The following QPCT variants were observed in gnomAD, a reference collection of about 807,000 sequenced individuals.
The protein encoded by QPCT is EC.
Under a neutral mutation model 43.4 loss-of-function variants are expected in QPCT, and 44 were observed. That is an observed-to-expected ratio of 1.01 (90% CI 0.80 to 1.30). The LOEUF (loss-of-function observed/expected upper bound fraction) is 1.30. Among genes scored for constraint, QPCT ranks in the 50% most tolerant of loss-of-function variants. The pLI is 0.00. For synonymous variants in QPCT, 168 were observed against 168.4 expected, an observed-to-expected ratio of 1.00 and a Z score of 0.02; for missense variants, 526 against 436.5, an observed-to-expected ratio of 1.21 and a Z score of -1.83.
intron 1 of QPCT, among the ~76,000 whole-genome samples, chr2:37,349,107 T>A (rs1202856872): frequency 1.3e-5 from 2 of 152,236 alleles, no homozygotes; most frequent in Non-Finnish European, 2.9e-5. Flanking sequence ...GCTTAAGTAG[T>A]TGACTGAGTG....
intron 2 of QPCT, among the ~76,000 whole-genome samples, chr2:37,358,121 A>AAG (rs1553385443): frequency 0.01 from 1,575 of 150,742 alleles, 44 homozygotes; most frequent in African/African-American, 0.037. Context: ...AAAAAAAAAA[A>AAG]AAAGAAACAG....
rs552749054 is a variant in QPCT, at chr2:37,365,072, A to C, written c.547-2160A>C. Reference sequence around the variant, plus strand: ...TTATATATATAACAATACACACACAACACAGCACACACACACACACACACA... The same window carrying C: ...TTATATATATAACAATACACACACACCACAGCACACACACACACACACACA... On this transcript the variant is annotated intron_variant, in intron 3 of 6. Coordinates refer to ENST00000338415, the MANE Select transcript of QPCT (RefSeq NM_012413.4). Among the ~76,000 whole-genome samples the C allele has an allele frequency of 6.7e-5, 10 of 150,228 alleles. No homozygotes were observed. In the South Asian group the frequency reaches 2.1e-3, roughly 31 times the overall value.
chr2:37,347,224 TATATAAC>T (rs1179991258), intron 1 of QPCT, among the ~76,000 whole-genome samples: 2 of 69,634 alleles, frequency 2.9e-5, no homozygotes, highest in Non-Finnish European at 5.4e-5. Flanking sequence ...ATAACATATA[TATATAAC>T]ATATATATAT....
At chr2:37,364,833 G>A (rs1481794780) in intron 3 of QPCT, among the ~76,000 whole-genome samples, 2 of 152,020 alleles carry the variant, frequency 1.3e-5, no homozygotes, top group Non-Finnish European at 2.9e-5. Flanking sequence ...CTGGAGATCG[G>A]CAGTGAAGTC....
intron 1 of QPCT, among the ~76,000 whole-genome samples, chr2:37,351,721 A>C (rs978988163): frequency 1.3e-5 from 2 of 152,132 alleles, no homozygotes; most frequent in East Asian, 1.9e-4. Flanking sequence ...GTCTCTACTA[A>C]AAATACAAAA....
intron 3 of QPCT, 143 bp from the exon 4 acceptor site, chr2:37,367,089 A>C: frequency 1.2e-6 from 1 of 848,484 alleles, no homozygotes; most frequent in Non-Finnish European, 1.8e-6. Context: ...GTGGTGTGGA[A>C]TAAATTTTGC....
At chr2:37,363,659 TAAAA>T (rs58100358) in intron 3 of QPCT, among the ~76,000 whole-genome samples, 21,677 of 79,370 alleles carry the variant, frequency 0.27, 3,914 homozygotes, top group African/African-American at 0.5. Context: ...TTTTAAAATG[TAAAA>T]AAAAAAAAAA....
chr2:37,352,043 A>G (rs2124932784), intron 1 of QPCT, among the ~76,000 whole-genome samples: 1 of 152,064 alleles, frequency 6.6e-6, no homozygotes, highest in East Asian at 1.9e-4. Flanking sequence ...AAAAAAAAAA[A>G]GATTATGAAA....
intron 1 of QPCT, among the ~76,000 whole-genome samples, chr2:37,349,527 G>A (rs1672575400): frequency 6.6e-6 from 1 of 152,182 alleles, no homozygotes. Context: ...TTTCACTCTG[G>A]ACATGGAGTG....
intron 1 of QPCT, among the ~76,000 whole-genome samples, chr2:37,349,452 T>C (rs1291158009): frequency 6.6e-6 from 1 of 152,220 alleles, no homozygotes; most frequent in African/African-American, 2.4e-5. Context: ...TCCTGTTTTT[T>C]CTTAAATGTC....
intron 2 of QPCT, 112 bp from the exon 3 acceptor site, chr2:37,359,468 G>C (rs1572733348): frequency 1.1e-6 from 1 of 920,824 alleles, no homozygotes; most frequent in African/African-American, 1.7e-5. Context: ...AATTCATTAA[G>C]TGTGTATTCC....
chr2:37,367,286 G>C lies in QPCT; in HGVS notation c.601G>C (p.Glu201Gln). The change falls in exon 4 of 7, where the codon GAA (glutamate) becomes CAA (glutamine). Residue 201 changes from glutamate to glutamine, a missense_variant. Coordinates refer to ENST00000338415, the MANE Select transcript of QPCT (RefSeq NM_012413.4). ...LSLQLIFFDG[E>Q]EAFLHWSPQD... The stretch of plus-strand genomic sequence containing the variant: ...ACTCCAGCTGATCTTCTTTGATGGT[G>C]AAGAGGCTTTTCTTCACTGGTCTCC... 6.2e-7 allele frequency: 1 copy of C among 1,614,044 alleles called. No homozygotes were observed. Among genetic ancestry groups the C allele is most frequent in the Non-Finnish European group, 8.5e-7 (1 of 1,179,964 alleles).
In QPCT at chr2:37,344,810, A is replaced by G. The variant is rs752315380; in HGVS notation, c.79A>G (p.Arg27Gly). The G allele has an allele frequency of 1.2e-6, 2 of 1,608,466 alleles. No homozygotes were observed. The stretch of plus-strand genomic sequence containing the variant: ...GGTGGCCGCCCTGCCCTGGGCATCC[A>G]GGGGGGTCAGTCCGAGTGCCTCAGC... Reference protein sequence around the residue: ...LLVAALPWASRGVSPSASAWP... With the variant: ...LLVAALPWASGGVSPSASAWP... Residue 27 changes from arginine (R) to glycine (G), a missense_variant, in exon 1 of 7, where the codon AGG (arginine) becomes GGG (glycine). By Grantham distance (125) the Arg-to-Gly change is moderately radical. Coordinates refer to ENST00000338415, the MANE Select transcript of QPCT (RefSeq NM_012413.4).
chr2:37,359,861 A>T lies in QPCT; in HGVS notation c.546+3A>T, dbSNP rs895061701. The T allele has an allele frequency of 1.2e-6, 2 of 1,612,878 alleles. No individual in the cohort carries two copies. Among genetic ancestry groups the T allele is most frequent in the Non-Finnish European group, 1.7e-6 (2 of 1,179,074 alleles). On this transcript the variant is annotated splice_donor_region_variant and intron_variant, in intron 3 of 6. Coordinates refer to ENST00000338415, the MANE Select transcript of QPCT (RefSeq NM_012413.4). ...ACAAGAAACTCCTTTCCTTAAAGGT[A>T]TCTGTTTTCTGCTTATTGATTCCTA...
chr2:37,351,815 G>A (rs1672630365), intron 1 of QPCT, among the ~76,000 whole-genome samples: 1 of 152,148 alleles, frequency 6.6e-6, no homozygotes, highest in Non-Finnish European at 1.5e-5. Flanking sequence ...CCGGGAGGCA[G>A]AGGTTGCAGT....
intron 2 of QPCT, among the ~76,000 whole-genome samples, chr2:37,358,462 A>G (rs939709742): frequency 6.7e-6 from 1 of 149,350 alleles, no homozygotes. Flanking sequence ...AAAACAAAAC[A>G]AACAAACAAA....
At chr2:37,366,426 T>TA (rs1672962623) in intron 3 of QPCT, among the ~76,000 whole-genome samples, 1 of 152,228 alleles carries the variant, frequency 6.6e-6, no homozygotes, top group Non-Finnish European at 1.5e-5. Flanking sequence ...GTATTTGTTT[T>TA]ATCTCTCCCC....
rs564402135 is a variant in QPCT at position 37,348,516 on chromosome 2, A to G, written c.120+3665A>G. ...GGTGTTAATCTGAGAATTGCCCGGG[A>G]GACATTCATATAGAATAGAAACTGG... On this transcript the variant is annotated intron_variant, in intron 1 of 6. Coordinates refer to ENST00000338415, the MANE Select transcript of QPCT (RefSeq NM_012413.4). Among the ~76,000 whole-genome samples, 11 of 152,292 alleles carry G rather than the reference A, an allele frequency of 7.2e-5. No individual in the cohort carries two copies. In the South Asian group the frequency reaches 2.3e-3, roughly 32 times the overall value.
At chr2:37,369,981 T>C (rs1473712635) in intron 5 of QPCT, among the ~76,000 whole-genome samples, 197 bp downstream of exon 5, 1 of 152,066 alleles carries the variant, frequency 6.6e-6, no homozygotes, top group Non-Finnish European at 1.5e-5. Context: ...AAACAGGGCT[T>C]TCATGTTTAG....
Sources: allele counts gnomAD v4.1 joint callset (sites outside exome capture counted in the v4.1 genomes callset), GRCh38; gene constraint gnomAD v4.1.1; transcripts MANE v1.5; gene names NCBI Gene and HGNC (gene_info 2026-07-23, HGNC 2026-07-21).